The following ONECUT1 variants were observed in gnomAD, a reference collection of about 807,000 sequenced individuals.
ONECUT1 encodes hepatocyte nuclear factor 6.
ONECUT1 carries 12 observed loss-of-function variants against 25.6 expected under a neutral mutation model. The ratio of observed to expected loss-of-function variants is 0.47; its 90% CI spans 0.30 to 0.76. ONECUT1 has a LOEUF of 0.76. ONECUT1 is among the 30% of genes least tolerant of loss of function. ONECUT1 has a pLI of 0.07. For synonymous variants in ONECUT1, 285 were observed against 270.2 expected (o/e 1.05, Z -0.54); for missense variants, 620 against 651.2 (o/e 0.95, Z 0.52).
At chr15:52,771,884 C>T (rs757290814) in intron 1 of ONECUT1, among the ~76,000 whole-genome samples, 1 of 152,204 alleles carries the variant, frequency 6.6e-6, no homozygotes, top group Admixed American at 6.5e-5. Context: ...TTGGCAAAAA[C>T]ACAGGCTGAC....
chr15:52,782,227 C>T (rs941886084), intron 1 of ONECUT1, among the ~76,000 whole-genome samples: 17 of 152,036 alleles, frequency 1.1e-4, no homozygotes, highest in Non-Finnish European at 1.5e-4. Context: ...TTTATGATAC[C>T]GTAACATCTC....
chr15:52,783,475 G>A (rs1004899445), intron 1 of ONECUT1, among the ~76,000 whole-genome samples: 23 of 152,226 alleles, frequency 1.5e-4, no homozygotes, highest in Non-Finnish European at 5.9e-5. Flanking sequence ...GAAGAGAAAT[G>A]GGACCAGGCG....
chr15:52,789,444 AC>A lies in ONECUT1; in HGVS notation c.440del (p.Gly147ValfsTer15). ...GCTCATCCCGCATGAGCGTGAAGCTACCGCTCACGTTGCCCGCCAGGCGCTG... is the reference window on the plus strand; with the variant it reads ...GCTCATCCCGCATGAGCGTGAAGCTACGCTCACGTTGCCCGCCAGGCGCTG... ...HHQRLAGNVS[G>X]SFTLMRDERG... On this transcript the variant is annotated frameshift_variant, in exon 1 of 2. Transcript: ENST00000305901. LOFTEE classifies it high-confidence loss of function. This position sits in a 1 kb window ranked among gnomAD's most constrained non-coding sequence, Gnocchi z 4.1. The A allele has an allele frequency of 6.2e-7, 1 of 1,613,740 alleles. No individual in the cohort carries two copies. Among genetic ancestry groups the A allele is most frequent in the Non-Finnish European group, 8.5e-7 (1 of 1,179,974 alleles).
intron 1 of ONECUT1, chr15:52,780,662 C>G: frequency 6.5e-7 from 1 of 1,534,212 alleles, no homozygotes; most frequent in Non-Finnish European, 8.7e-7. Context: ...TCACGCACTT[C>G]AGTCGCAGAA....
chr15:52,768,421 G>C (rs2083747669), intron 1 of ONECUT1, among the ~76,000 whole-genome samples: 1 of 152,090 alleles, frequency 6.6e-6, no homozygotes, highest in Non-Finnish European at 1.5e-5. Context: ...TGATCAGTTG[G>C]AGTTTTATTC....
Position 52,756,883 on chromosome 15 carries a change from T to A in ONECUT1, c.*672A>T, listed in dbSNP as rs1309396261. On this transcript the variant is annotated 3_prime_UTR_variant, in exon 2 of 2. Transcript: ENST00000305901. ...TTCTTTGGTACCTAGGTGATTTTTT[T>A]AATGGATGGACTCATGTTTCATTTC... The A allele has an allele frequency of 6.6e-6, 1 of 152,230 alleles. No individual in the cohort carries two copies. Among genetic ancestry groups the A allele is most frequent in the Non-Finnish European group, 1.5e-5 (1 of 68,042 alleles). 9.4% of individuals were successfully genotyped at this position (152,230 alleles called of 1,614,324 possible).
chr15:52,757,303 A>T lies in ONECUT1; in HGVS notation c.*252T>A. ...GCACAGCGAGGATGGTCATGGATTG[A>T]AGGTGTGAGATCCAGTGGTGTTTTC... On this transcript the variant is annotated 3_prime_UTR_variant, in exon 2 of 2. Coordinates refer to ENST00000305901, the MANE Select transcript of ONECUT1 (RefSeq NM_004498.4). 1 of 482,170 alleles carries T rather than the reference A, an allele frequency of 2.1e-6. No individual in the cohort carries two copies. The highest frequency in any genetic ancestry group is 3.9e-5 in the Admixed American group (1 of 25,776). The allele number at this position is 482,170 out of a possible 1,614,324, so 29.9% of individuals were successfully genotyped here.
intron 1 of ONECUT1, among the ~76,000 whole-genome samples, chr15:52,782,873 C>T (rs1409594187): frequency 1.3e-5 from 2 of 152,224 alleles, no homozygotes; most frequent in Admixed American, 6.5e-5. Context: ...AGCAATGTCA[C>T]TTGAGGAACA....
chr15:52,780,486 T>C (rs2141460498), intron 1 of ONECUT1: 8 of 1,130,210 alleles, frequency 7.1e-6, no homozygotes, highest in South Asian at 5.9e-5. Flanking sequence ...CGCATTAGTG[T>C]GACAAATATG....
At chr15:52,780,177 C>T (rs2083831439) in intron 1 of ONECUT1, among the ~76,000 whole-genome samples, 1 of 152,132 alleles carries the variant, frequency 6.6e-6, no homozygotes, top group East Asian at 1.9e-4. Context: ...TGTGAGGCAG[C>T]CCTTTTTTAA....
intron 1 of ONECUT1, among the ~76,000 whole-genome samples, chr15:52,763,885 T>C (rs1359503688): frequency 6.6e-6 from 1 of 152,214 alleles, no homozygotes; most frequent in Non-Finnish European, 1.5e-5. Flanking sequence ...ATTATTTCTC[T>C]AGTAATATAT....
chr15:52,777,458 T>C (rs1319830511), intron 1 of ONECUT1, among the ~76,000 whole-genome samples: 3 of 152,180 alleles, frequency 2.0e-5, no homozygotes, highest in African/African-American at 4.8e-5. Context: ...AGAATGCTTT[T>C]GTAATTGATG....
rs1402130601 is a variant in ONECUT1 at position 52,777,733 on chromosome 15, C to CAAAAAAAAAAAAAAAAAA, written c.1105+11046_1105+11047insTTTTTTTTTTTTTTTTTT. 1.3e-4 allele frequency among the ~76,000 whole-genome samples: 11 copies of CAAAAAAAAAAAAAAAAAA among 85,248 alleles called. 1 individual carries two copies. Among genetic ancestry groups the CAAAAAAAAAAAAAAAAAA allele is most frequent in the African/African-American group, 6.1e-4 (8 of 13,194 alleles). 55.9% of individuals were successfully genotyped at this position (85,248 alleles called of 152,430 possible). On this transcript the variant is annotated intron_variant, in intron 1 of 1. Transcript: ENST00000305901. ...ACACACACACACACACACACACACA[C>CAAAAAAAAAAAAAAAAAA]ACACAAAAAAACATGTAAAGTTATT... is the stretch of plus-strand genomic sequence containing the variant.
intron 1 of ONECUT1, among the ~76,000 whole-genome samples, chr15:52,766,642 C>T (rs2083735980): frequency 6.6e-6 from 1 of 152,126 alleles, no homozygotes; most frequent in Non-Finnish European, 1.5e-5. Context: ...TGGAGTAGTC[C>T]CATGTCAGGA....
intron 1 of ONECUT1, chr15:52,780,816 G>T: frequency 7.4e-7 from 1 of 1,356,080 alleles, no homozygotes. Context: ...CCTCTCTTTG[G>T]GACTATGAGA....
At chr15:52,782,325 T>G (rs2083846615) in intron 1 of ONECUT1, among the ~76,000 whole-genome samples, 1 of 152,250 alleles carries the variant, frequency 6.6e-6, no homozygotes, top group Non-Finnish European at 1.5e-5. Flanking sequence ...GATTGTCTTG[T>G]GATTGGTCTA....
intron 1 of ONECUT1, among the ~76,000 whole-genome samples, chr15:52,759,079 A>G (rs888232050): frequency 6.6e-6 from 1 of 152,174 alleles, no homozygotes; most frequent in Non-Finnish European, 1.5e-5. Flanking sequence ...TGCCACCTTT[A>G]TATCTGGCTG....
chr15:52,759,436 G>A (rs531744748), intron 1 of ONECUT1, among the ~76,000 whole-genome samples: 2 of 152,276 alleles, frequency 1.3e-5, no homozygotes, highest in Admixed American at 6.5e-5. Flanking sequence ...AAGCTGGAGA[G>A]GCCTCAAGGC....
At chr15:52,777,326 G>A (rs777610619) in intron 1 of ONECUT1, among the ~76,000 whole-genome samples, 7 of 151,966 alleles carry the variant, frequency 4.6e-5, no homozygotes, top group Non-Finnish European at 7.4e-5. Flanking sequence ...TAGAATCACC[G>A]GGGAAACTTT....
Sources: gnomAD v4.1 joint callset for allele counts (sites outside exome capture counted in the v4.1 genomes callset) on GRCh38, gnomAD v4.1.1 for gene constraint, Gnocchi (gnomAD v3.1) non-coding constraint, MANE v1.5 for transcripts, NCBI Gene and HGNC (gene_info 2026-07-23, HGNC 2026-07-21) for gene names.